Variants in RBFOX1 observed in about 807,000 individuals in gnomAD.
The protein encoded by RBFOX1 is RNA binding protein fox-1 homolog 1.
In RBFOX1, 8 loss-of-function variants were observed where a neutral mutation model predicts 57.7. The observed-to-expected ratio is 0.14, with a 90% confidence interval of 0.08 to 0.25. The LOEUF (loss-of-function observed/expected upper bound fraction) is 0.25. Ranked by LOEUF, RBFOX1 falls within the 10% of genes least tolerant of loss-of-function variation. The pLI is 1.00. For missense variants in RBFOX1, 611 were observed against 548.5 expected, an observed-to-expected ratio of 1.11 and a Z score of -1.14; for synonymous variants, 326 against 222.4, an observed-to-expected ratio of 1.47 and a Z score of -4.15.
chr16:7,340,171 G>C (rs2096866416), intron 4 of RBFOX1, among the ~76,000 whole-genome samples: 1 of 152,174 alleles, frequency 6.6e-6, no homozygotes, highest in Non-Finnish European at 1.5e-5. Context: ...GGCCAGATCA[G>C]GGACCTCTTA....
rs2045327211 is a variant in RBFOX1, at chr16:5,548,484, A to G, written c.259-50418A>G. On this transcript the variant is annotated intron_variant, in intron 2 of 2. Coordinates refer to the RBFOX1 transcript ENST00000585867. ...ATAGTTGATAATAACTTAATTGTAGATTTAAGTATAACGTAAAAGTGTAAT... is the reference window on the plus strand; with the variant it reads ...ATAGTTGATAATAACTTAATTGTAGGTTTAAGTATAACGTAAAAGTGTAAT... Among the ~76,000 whole-genome samples, 3 of 152,046 alleles carry G rather than the reference A, an allele frequency of 2.0e-5. No homozygotes were observed. The South Asian group carries it at 6.2e-4, about 32-fold the overall frequency.
intron 14 of RBFOX1, among the ~76,000 whole-genome samples, chr16:7,692,144 C>G (rs886634420): frequency 5.3e-5 from 8 of 152,212 alleles, no homozygotes; most frequent in African/African-American, 1.9e-4. Flanking sequence ...AGCCCAAAAT[C>G]TTATGTTAAC....
intron 4 of RBFOX1, among the ~76,000 whole-genome samples, chr16:7,472,941 C>G (rs543377219): frequency 8.5e-6 from 1 of 118,214 alleles, no homozygotes; most frequent in Non-Finnish European, 2.0e-5. Context: ...GTCTGAAAAA[C>G]ATACAGGGAT....
At chr16:5,405,221 T>C (rs951883142) in intron 1 of RBFOX1, among the ~76,000 whole-genome samples, 4 of 152,148 alleles carry the variant, frequency 2.6e-5, no homozygotes, top group Non-Finnish European at 5.9e-5. Context: ...CTTGGTGACA[T>C]GGTTTGGCTG....
Position 7,405,630 on chromosome 16 carries a change from A to G in RBFOX1, c.28-112517A>G, listed in dbSNP as rs114799901. ...TTTGGATCTGCTCACACATTGTTAT[A>G]TTGGAGGAATCAGAGCAAGCAAGGC... On this transcript the variant is annotated intron_variant, in intron 4 of 15. Transcript: ENST00000550418. Among the ~76,000 whole-genome samples the G allele has an allele frequency of 6.9e-3, 1,043 of 152,232 alleles. 11 individuals are homozygous for G. The highest frequency in any genetic ancestry group is 0.024 in the African/African-American group (982 of 41,538).
At chr16:7,506,057 T>C (rs966061877) in intron 4 of RBFOX1, among the ~76,000 whole-genome samples, 5 of 151,584 alleles carry the variant, frequency 3.3e-5, no homozygotes, top group African/African-American at 1.2e-4. Flanking sequence ...TGGTGACGGG[T>C]ACCTGTAGTC....
At chr16:6,824,324 T>A (rs1002488334) in intron 3 of RBFOX1, among the ~76,000 whole-genome samples, 5 of 152,154 alleles carry the variant, frequency 3.3e-5, no homozygotes, top group African/African-American at 1.2e-4. Flanking sequence ...GAGAGTCACT[T>A]GAACCAGAGA....
chr16:7,579,958 G>GAACCCCCAGAGC, intron 6 of RBFOX1, 38 bp downstream of exon 6: 1 of 1,607,496 alleles, frequency 6.2e-7, no homozygotes, highest in Non-Finnish European at 8.5e-7. Context: ...GCCCGCTCTG[G>GAACCCCCAGAGC]GGGTTCCAGA....
chr16:5,523,628 C>G (rs1597391350), intron 2 of RBFOX1, among the ~76,000 whole-genome samples: 1 of 152,024 alleles, frequency 6.6e-6, no homozygotes, highest in African/African-American at 2.4e-5. Context: ...AACAAACAAA[C>G]AAACAAACAA....
chr16:7,517,573 CAACAT>C (rs2076645091), intron 4 of RBFOX1, among the ~76,000 whole-genome samples: 1 of 142,160 alleles, frequency 7.0e-6, no homozygotes, highest in Admixed American at 7.0e-5. Flanking sequence ...CACACACACA[CAACAT>C]AACACACAAC....
At chr16:7,084,340 GAAGA>G (rs978073043) in intron 4 of RBFOX1, among the ~76,000 whole-genome samples, 143 of 152,014 alleles carry the variant, frequency 9.4e-4, no homozygotes, top group African/African-American at 3.2e-3. Context: ...GTGGAGGAGG[GAAGA>G]AAGAAAAAAA....
chr16:6,061,581 G>C (rs2095687030), intron 1 of RBFOX1, among the ~76,000 whole-genome samples: 2 of 151,226 alleles, frequency 1.3e-5, no homozygotes, highest in African/African-American at 4.9e-5. Flanking sequence ...TATAGTATAT[G>C]TGCTATATTT....
At chr16:6,212,661 C>T (rs1285271663) in intron 1 of RBFOX1, among the ~76,000 whole-genome samples, 2 of 151,974 alleles carry the variant, frequency 1.3e-5, no homozygotes, top group East Asian at 1.9e-4. Flanking sequence ...GAGCTGAGAT[C>T]GTGCCACTGC....
chr16:7,405,041 C>T (rs974914179), intron 4 of RBFOX1, among the ~76,000 whole-genome samples: 5 of 152,262 alleles, frequency 3.3e-5, no homozygotes, highest in South Asian at 4.1e-4. Context: ...ACGGTAATAA[C>T]GCATAAGGGT....
intron 3 of RBFOX1, among the ~76,000 whole-genome samples, chr16:5,710,522 C>G (rs572552439): frequency 7.2e-5 from 11 of 152,182 alleles, no homozygotes; most frequent in Non-Finnish European, 1.6e-4. Flanking sequence ...ATGAGGATGG[C>G]AGGCCTGGCA....
intron 3 of RBFOX1, among the ~76,000 whole-genome samples, chr16:6,932,420 A>G (rs148043173): frequency 1.8e-4 from 27 of 152,198 alleles, no homozygotes; most frequent in African/African-American, 6.5e-4. Context: ...ATCATCTCCT[A>G]AAGGTCTCAC....
intron 1 of RBFOX1, among the ~76,000 whole-genome samples, chr16:5,462,164 CTTTCTTTTTTT>C (rs1462965762): frequency 2.0e-5 from 2 of 101,080 alleles, no homozygotes; most frequent in Non-Finnish European, 3.8e-5. Flanking sequence ...TTCTTTCTTT[CTTTCTTTTTTT>C]TTTTTTTTTT....
intron 3 of RBFOX1, among the ~76,000 whole-genome samples, chr16:6,937,692 G>A (rs1191629478): frequency 1.3e-5 from 2 of 152,114 alleles, no homozygotes; most frequent in Non-Finnish European, 2.9e-5. Context: ...TTGGCAATTG[G>A]TTAAAAGAGT....
intron 2 of RBFOX1, among the ~76,000 whole-genome samples, chr16:6,523,245 G>A (rs750279736): frequency 6.6e-6 from 1 of 152,174 alleles, no homozygotes; most frequent in African/African-American, 2.4e-5. Context: ...AAATACCTGA[G>A]GAGGGAAGGA....
Sources: allele counts gnomAD v4.1 joint callset (sites outside exome capture counted in the v4.1 genomes callset), GRCh38; gene constraint gnomAD v4.1.1; transcripts MANE v1.5; gene names NCBI Gene and HGNC (gene_info 2026-07-23, HGNC 2026-07-21).